RELN: variants seen among roughly 807,000 people sequenced by gnomAD.
RELN encodes reelin.
RELN carries 108 observed loss-of-function variants against 427.6 expected under a neutral mutation model. That is an observed-to-expected ratio of 0.25 (90% confidence interval 0.22 to 0.30). RELN has a LOEUF of 0.30. Ranked by LOEUF, RELN falls within the 10% of genes least tolerant of loss-of-function variation. The pLI is 1.00. For missense variants in RELN, 3,715 were observed against 4,302.8 expected, an observed-to-expected ratio of 0.86 and a Z score of 3.82; for synonymous variants, 1,524 against 1,513.4, an observed-to-expected ratio of 1.01 and a Z score of -0.16.
In RELN at chr7:103,766,003, A is replaced by T. The variant is rs370037856; in HGVS notation, c.544+10554T>A. ...AGTAGCAAGAAATTTTACTATGGTCATGTGAATCAGCTCTTTGTCATTCCC... is the reference window on the plus strand; with the variant it reads ...AGTAGCAAGAAATTTTACTATGGTCTTGTGAATCAGCTCTTTGTCATTCCC... On this transcript the variant is annotated intron_variant, in intron 4 of 64. Transcript: ENST00000428762. Among the ~76,000 whole-genome samples, 4 of 152,342 alleles carry T rather than the reference A, an allele frequency of 2.6e-5. No individual in the cohort carries two copies. The South Asian group carries it at 6.2e-4, about 24-fold the overall frequency.
intron 19 of RELN, among the ~76,000 whole-genome samples, chr7:103,634,036 TATCTGTTACATGCTACTTC>T (rs1275411629): frequency 1.7e-4 from 26 of 152,270 alleles, no homozygotes; most frequent in African/African-American, 5.8e-4. Flanking sequence ...TGTTAATCAT[TATCTGTTACATGCTACTTC>T]ATTTTCTATG....
At chr7:103,936,735 GACAGACAGAC>G (rs1371403042) in intron 1 of RELN, among the ~76,000 whole-genome samples, 45 of 96,332 alleles carry the variant, frequency 4.7e-4, no homozygotes, top group Non-Finnish European at 8.0e-4. Context: ...CAGACAGACA[GACAGACAGAC>G]ACACACACAC....
At chr7:103,489,615 G>A in intron 60 of RELN, 127 bp downstream of exon 60, 1 of 1,044,718 alleles carries the variant, frequency 9.6e-7, no homozygotes. Flanking sequence ...ACCAAGGAGT[G>A]TGTCATGAAT....
chr7:103,909,588 C>G (rs1246003920), intron 2 of RELN, among the ~76,000 whole-genome samples: 4 of 136,956 alleles, frequency 2.9e-5, no homozygotes, highest in African/African-American at 1.1e-4. Context: ...GCCTGGGTAA[C>G]AAAGCAAGAC....
intron 16 of RELN, among the ~76,000 whole-genome samples, chr7:103,644,571 C>T (rs1435851742): frequency 6.6e-6 from 1 of 151,168 alleles, no homozygotes; most frequent in East Asian, 1.9e-4. Flanking sequence ...CTAACACAGT[C>T]AGACTGAAAG....
intron 2 of RELN, among the ~76,000 whole-genome samples, chr7:103,854,952 T>C (rs967450046): frequency 6.6e-6 from 1 of 152,212 alleles, no homozygotes; most frequent in Non-Finnish European, 1.5e-5. Context: ...ATGAATTATT[T>C]TGTGAGACCA....
intron 41 of RELN, among the ~76,000 whole-genome samples, chr7:103,550,220 C>G (rs533359522): frequency 3.8e-4 from 58 of 152,316 alleles, no homozygotes; most frequent in African/African-American, 1.3e-3. Context: ...AAAAAATTCA[C>G]TTTCACCCTT....
At position 103,620,619 on chromosome 7, in the gene RELN, G is replaced by A. The variant is rs1201547852; in HGVS notation, c.2703-8816C>T. On this transcript the variant is annotated intron_variant, in intron 20 of 64. Coordinates refer to ENST00000428762, the MANE Select transcript of RELN (RefSeq NM_005045.4). This position sits in a 1 kb window ranked among gnomAD's most constrained non-coding sequence, Gnocchi z 4.1. ...CTCCCAAGTAGCTGGGATTACAGATGTGCACCACTACACCCAGCTAATTTC... is the reference window on the plus strand; with the variant it reads ...CTCCCAAGTAGCTGGGATTACAGATATGCACCACTACACCCAGCTAATTTC... 1.3e-5 allele frequency among the ~76,000 whole-genome samples: 2 copies of A among 151,800 alleles called. No homozygotes were observed. Among genetic ancestry groups the A allele is most frequent in the Non-Finnish European group, 2.9e-5 (2 of 67,982 alleles).
rs1279358387 is a variant in RELN, at chr7:103,824,627, A to AGAGTGTGT, written c.473+8909_473+8910insACACACTC. 2.3e-5 allele frequency among the ~76,000 whole-genome samples: 3 copies of AGAGTGTGT among 130,896 alleles called. No individual in the cohort carries two copies. The highest frequency in any genetic ancestry group is 8.8e-5 in the African/African-American group (3 of 33,978). The allele number at this position is 130,896 out of a possible 152,430, so 85.9% of individuals were successfully genotyped here. A position where few individuals can be genotyped will look rare whatever the true frequency, so the allele number is the denominator to read the frequency against. ...GTGTTTTCACTTTCTTTCAAAACAG[A>AGAGTGTGT]GTGTGTGTGTGTGTGTGTGTGTGTG... On this transcript the variant is annotated intron_variant, in intron 3 of 64. Coordinates refer to ENST00000428762, the MANE Select transcript of RELN (RefSeq NM_005045.4). The surrounding 1 kb of genome is among the most constrained non-coding windows in gnomAD (Gnocchi z 4.4).
chr7:103,540,338 C>T lies in RELN; in HGVS notation c.6789G>A (p.Glu2263=), dbSNP rs748936767. 6.7e-5 allele frequency: 108 copies of T among 1,614,178 alleles called. No homozygotes were observed. The highest frequency in any genetic ancestry group is 1.6e-4 in the Middle Eastern group (1 of 6,062). The change falls in exon 44 of 65, where the codon GAG becomes GAA. Residue 2263 remains glutamate (E), a synonymous_variant. Coordinates refer to ENST00000428762, the MANE Select transcript of RELN (RefSeq NM_005045.4). ...NGGLSWSLLQ[E]FLFSNSSNVG... is the part of the protein sequence containing the mutation. Reference sequence around the variant, plus strand: ...CATTGCTGGAATTGCTGAAAAGGAACTCCTGAAGAAGACTCCACGAGAGGC... The same window carrying T: ...CATTGCTGGAATTGCTGAAAAGGAATTCCTGAAGAAGACTCCACGAGAGGC...
intron 25 of RELN, 25 bp downstream of exon 25, chr7:103,596,431 C>G (rs763317338): frequency 6.3e-7 from 1 of 1,582,544 alleles, no homozygotes; most frequent in Non-Finnish European, 8.7e-7. Flanking sequence ...GAAACTAATG[C>G]GAGGACCATC....
intron 2 of RELN, among the ~76,000 whole-genome samples, chr7:103,843,482 G>A (rs935434424): frequency 6.6e-6 from 1 of 152,092 alleles, no homozygotes; most frequent in African/African-American, 2.4e-5. Flanking sequence ...CTAAATAGTA[G>A]TACATTAGTT....
In RELN at chr7:103,574,381, G is replaced by A. The variant is rs528776177; in HGVS notation, c.4304-82C>T. Reference sequence around the variant, plus strand: ...TCTATTCAACACATGGGCAAAGGAAGAATGTCCATAGGGATTAACATTAGG... The same window carrying A: ...TCTATTCAACACATGGGCAAAGGAAAAATGTCCATAGGGATTAACATTAGG... On this transcript the variant is annotated intron_variant, in intron 29 of 64. Coordinates refer to ENST00000428762, the MANE Select transcript of RELN (RefSeq NM_005045.4). 2.1e-5 allele frequency: 24 copies of A among 1,146,508 alleles called. No individual in the cohort carries two copies. The Admixed American group carries it at 3.5e-4, about 17-fold the overall frequency. 71.0% of individuals were successfully genotyped at this position (1,146,508 alleles called of 1,614,324 possible).
chr7:103,678,105 T>C (rs1293710579), intron 11 of RELN, among the ~76,000 whole-genome samples: 2 of 152,226 alleles, frequency 1.3e-5, no homozygotes, highest in Non-Finnish European at 2.9e-5. Flanking sequence ...ATTCATTACA[T>C]TTGTGGAGTT....
chr7:103,830,510 T>C (rs1005315763), intron 3 of RELN, among the ~76,000 whole-genome samples: 4 of 151,932 alleles, frequency 2.6e-5, no homozygotes, highest in Non-Finnish European at 5.9e-5. Context: ...TACCCTCAAA[T>C]GCCAGAAGCT....
At position 103,561,818 on chromosome 7, in the gene RELN, G is replaced by A. The variant is rs1397517309; in HGVS notation, c.5346C>T (p.Arg1782=). The change falls in exon 35 of 65, where the codon CGC becomes CGT. Residue 1782 remains arginine, a synonymous_variant. Transcript: ENST00000428762. ...TGTCAGTTTTATTAACTTACACACAGCGTCCAGCATCACAAATCCCTCGTC... is the reference window on the plus strand; with the variant it reads ...TGTCAGTTTTATTAACTTACACACAACGTCCAGCATCACAAATCCCTCGTC... The part of the protein sequence containing the change: ...CSGRGICDAG[R]CVCDRGFGGP... 1 of 1,613,886 alleles carries A rather than the reference G, an allele frequency of 6.2e-7. No individual in the cohort carries two copies. Among genetic ancestry groups the A allele is most frequent in the South Asian group, 1.1e-5 (1 of 91,072 alleles).
intron 27 of RELN, 39 bp from the exon 28 acceptor site, chr7:103,589,867 T>C (rs759022229): frequency 1.2e-5 from 16 of 1,329,656 alleles, no homozygotes; most frequent in South Asian, 1.1e-4. Context: ...AAGATTTTGG[T>C]TCTAAGTCAT....
At chr7:103,538,016 TATCCC>T (rs1830093361) in intron 45 of RELN, among the ~76,000 whole-genome samples, 23 of 152,348 alleles carry the variant, frequency 1.5e-4, no homozygotes, top group African/African-American at 5.5e-4. Flanking sequence ...TTCTTTGAGG[TATCCC>T]ATCAGGTAGT....
At chr7:103,607,813 T>G (rs1831853871) in intron 22 of RELN, among the ~76,000 whole-genome samples, 1 of 152,218 alleles carries the variant, frequency 6.6e-6, no homozygotes, top group African/African-American at 2.4e-5. Context: ...ACTCATTCAC[T>G]CATTAGGTGT....
Sources: gnomAD v4.1 joint callset for allele counts (sites outside exome capture counted in the v4.1 genomes callset) on GRCh38, gnomAD v4.1.1 for gene constraint, Gnocchi (gnomAD v3.1) non-coding constraint, MANE v1.5 for transcripts, NCBI Gene and HGNC (gene_info 2026-07-23, HGNC 2026-07-21) for gene names.